Variants in CACNA2D1 observed in about 807,000 individuals in gnomAD.
The protein encoded by CACNA2D1 is voltage-dependent calcium channel subunit alpha-2/delta-1.
Under a neutral mutation model 171.5 loss-of-function variants are expected in CACNA2D1, and 53 were observed. The observed-to-expected ratio is 0.31, with a 90% CI of 0.25 to 0.39. The LOEUF is 0.39. Among genes scored for constraint, CACNA2D1 ranks in the 10% least tolerant of loss-of-function variants. The pLI, the probability that CACNA2D1 is intolerant of heterozygous loss-of-function variation, is 1.00. For missense variants in CACNA2D1, 903 were observed against 1,299.8 expected, an observed-to-expected ratio of 0.69 and a Z score of 4.69; for synonymous variants, 442 against 443.1, an observed-to-expected ratio of 1.00 and a Z score of 0.03.
chr7:82,305,712 C>T (rs1392028059), intron 3 of CACNA2D1, among the ~76,000 whole-genome samples: 1 of 152,142 alleles, frequency 6.6e-6, no homozygotes, highest in Non-Finnish European at 1.5e-5. Flanking sequence ...CACATGTGTG[C>T]ACAAATAATA....
intron 3 of CACNA2D1, among the ~76,000 whole-genome samples, chr7:82,191,477 T>C (rs1798287561): frequency 6.6e-6 from 1 of 151,794 alleles, no homozygotes; most frequent in African/African-American, 2.4e-5. Flanking sequence ...CTCACACTTC[T>C]CTAAACCTGA....
chr7:82,241,944 G>A (rs1194430392), intron 3 of CACNA2D1, among the ~76,000 whole-genome samples: 1 of 152,030 alleles, frequency 6.6e-6, no homozygotes, highest in Non-Finnish European at 1.5e-5. Context: ...GACTATAAGA[G>A]CCGACTGATG....
chr7:81,967,049 C>A, intron 31 of CACNA2D1, 120 bp downstream of exon 31: 1 of 679,758 alleles, frequency 1.5e-6, no homozygotes, highest in South Asian at 1.8e-5. Flanking sequence ...TTTCACATTT[C>A]CATAGAATTT....
chr7:82,131,088 C>T (rs1790925893), intron 5 of CACNA2D1, among the ~76,000 whole-genome samples: 1 of 152,086 alleles, frequency 6.6e-6, no homozygotes, highest in Admixed American at 6.6e-5. Flanking sequence ...AGGCATGAGC[C>T]ACCGCGCCGG....
chr7:82,145,993 A>G (rs927942309), intron 4 of CACNA2D1, among the ~76,000 whole-genome samples: 11 of 152,004 alleles, frequency 7.2e-5, no homozygotes, highest in African/African-American at 2.7e-4. Flanking sequence ...TTTCCGTTGC[A>G]TAATTGTAAT....
intron 1 of CACNA2D1, among the ~76,000 whole-genome samples, chr7:82,353,121 C>A (rs1456341425): frequency 4.6e-5 from 7 of 152,018 alleles, no homozygotes; most frequent in Non-Finnish European, 1.0e-4. Context: ...AAGACAAAGT[C>A]TAGTTAAGAG....
At position 82,157,076 on chromosome 7, in the gene CACNA2D1, C is replaced by T. The variant is rs1003302972; in HGVS notation, c.354+13474G>A. 2.6e-5 allele frequency among the ~76,000 whole-genome samples: 4 copies of T among 152,100 alleles called. No homozygotes were observed. In the East Asian group the frequency reaches 7.7e-4, roughly 29 times the overall value. On this transcript the variant is annotated intron_variant, in intron 4 of 38. Transcript: ENST00000356860. ...ATAGCTATGAATTATGGTACAATTG[C>T]CTGTCTTTCTAAATTCACAAAGCTT...
At chr7:82,169,725 G>A (rs1795822513) in intron 4 of CACNA2D1, among the ~76,000 whole-genome samples, 1 of 151,960 alleles carries the variant, frequency 6.6e-6, no homozygotes, top group Admixed American at 6.6e-5. Flanking sequence ...AAGGTAGAGG[G>A]CAGTTGTTTA....
chr7:82,110,394 C>T (rs1244478994), intron 6 of CACNA2D1, among the ~76,000 whole-genome samples: 4 of 152,130 alleles, frequency 2.6e-5, no homozygotes, highest in African/African-American at 9.7e-5. Flanking sequence ...CATGTGAGGA[C>T]ACACTGAGAA....
intron 5 of CACNA2D1, among the ~76,000 whole-genome samples, chr7:82,118,167 A>G (rs1204365151): frequency 6.6e-6 from 1 of 152,182 alleles, no homozygotes; most frequent in Non-Finnish European, 1.5e-5. Flanking sequence ...AAAACCCCTC[A>G]GGAGTCTCAA....
intron 3 of CACNA2D1, among the ~76,000 whole-genome samples, chr7:82,212,767 T>C (rs1269737373): frequency 2.0e-5 from 3 of 152,222 alleles, no homozygotes; most frequent in Non-Finnish European, 2.9e-5. Context: ...CACATGGGAC[T>C]GAAATATGCT....
At chr7:81,990,559 C>A (rs969622092) in intron 21 of CACNA2D1, among the ~76,000 whole-genome samples, 4 of 149,994 alleles carry the variant, frequency 2.7e-5, no homozygotes, top group Non-Finnish European at 2.9e-5. Context: ...AAAAAAAAAA[C>A]AGAATGAGTA....
At chr7:81,971,910 A>C (rs1458826228) in intron 25 of CACNA2D1, 46 bp from the exon 26 acceptor site, 3 of 1,153,842 alleles carry the variant, frequency 2.6e-6, no homozygotes, top group Admixed American at 1.7e-5. Flanking sequence ...TTCTAAAATT[A>C]TGATCATAAT....
chr7:82,242,664 C>G (rs1038349656), intron 3 of CACNA2D1, among the ~76,000 whole-genome samples: 1 of 152,028 alleles, frequency 6.6e-6, no homozygotes, highest in Non-Finnish European at 1.5e-5. Flanking sequence ...TTCAGAAAAT[C>G]GAATAACACA....
intron 4 of CACNA2D1, among the ~76,000 whole-genome samples, chr7:82,161,761 C>A (rs1294264654): frequency 6.6e-6 from 1 of 151,970 alleles, no homozygotes; most frequent in African/African-American, 2.4e-5. Flanking sequence ...GCAAGCATGT[C>A]ATCGGATAAA....
intron 21 of CACNA2D1, among the ~76,000 whole-genome samples, 170 bp downstream of exon 21, chr7:81,991,015 A>G (rs1797490292): frequency 1.3e-5 from 2 of 152,130 alleles, no homozygotes; most frequent in Admixed American, 1.3e-4. Context: ...TAAATTTTAT[A>G]TTACTAGAGT....
At chr7:81,983,247 G>T in intron 23 of CACNA2D1, 67 bp downstream of exon 23, 1 of 1,329,316 alleles carries the variant, frequency 7.5e-7, no homozygotes, top group Non-Finnish European at 1.1e-6. Flanking sequence ...CCAATAGGAA[G>T]GAAAATATCA....
chr7:82,148,684 C>A (rs1229808873), intron 4 of CACNA2D1, among the ~76,000 whole-genome samples: 1 of 152,162 alleles, frequency 6.6e-6, no homozygotes, highest in East Asian at 1.9e-4. Context: ...TGTCGACCAG[C>A]TGGAGTGCAG....
intron 38 of CACNA2D1, among the ~76,000 whole-genome samples, chr7:81,955,812 C>T (rs1271890881): frequency 7.0e-6 from 1 of 142,318 alleles, no homozygotes; most frequent in Non-Finnish European, 1.5e-5. Context: ...CATAAATATC[C>T]TAGTTGAGTC....
Sources: gnomAD v4.1 joint callset for allele counts (sites outside exome capture counted in the v4.1 genomes callset) on GRCh38, gnomAD v4.1.1 for gene constraint, MANE v1.5 for transcripts, NCBI Gene and HGNC (gene_info 2026-07-23, HGNC 2026-07-21) for gene names.